WIPF2: variants seen among roughly 807,000 people sequenced by gnomAD.
The protein encoded by WIPF2 is WAS/WASL interacting protein family member 2.
WIPF2 carries 23 observed loss-of-function variants against 38.8 expected under a neutral mutation model. That is an observed-to-expected ratio of 0.59 (90% CI 0.43 to 0.84). WIPF2 has a LOEUF of 0.84. WIPF2 is among the 40% of genes least tolerant of loss of function. The pLI, the probability that WIPF2 is intolerant of heterozygous loss-of-function variation, is 0.00. For synonymous variants in WIPF2, 210 were observed against 223.2 expected (o/e 0.94, Z 0.53); for missense variants, 574 against 580.5 (o/e 0.99, Z 0.11).
Position 40,240,992 on chromosome 17 carries a change from A to G in WIPF2, c.-69-15399A>G, listed in dbSNP as rs923093650. Among the ~76,000 whole-genome samples the G allele has an allele frequency of 4.0e-5, 6 of 151,768 alleles. No homozygotes were observed. The South Asian group carries it at 1.2e-3, about 32-fold the overall frequency. ...TTTGCTGTAATTTTAATGGTGTTTT[A>G]TGATGGAACATTGATTAATGCATGC... On this transcript the variant is annotated intron_variant, in intron 1 of 7. Coordinates refer to ENST00000323571, the MANE Select transcript of WIPF2 (RefSeq NM_133264.5).
intron 6 of WIPF2, among the ~76,000 whole-genome samples, chr17:40,276,176 C>A (rs117279486): frequency 0.01 from 1,582 of 152,260 alleles, 4 homozygotes; most frequent in Non-Finnish European, 0.016. Context: ...TAATTCCTAC[C>A]AATTTCTGGA....
rs144564605 is a variant in WIPF2 at position 40,246,759 on chromosome 17, G to A, written c.-69-9632G>A. On this transcript the variant is annotated intron_variant, in intron 1 of 7. Transcript: ENST00000323571. ...CAGCAAGTGACTGCTGAGCAGCTAC[G>A]GTATGCTGTAGAATAATGAGAGAGA... is the stretch of plus-strand genomic sequence containing the variant. 1.3e-3 allele frequency among the ~76,000 whole-genome samples: 194 copies of A among 152,130 alleles called. 1 individual carries two copies. Among genetic ancestry groups the A allele is most frequent in the African/African-American group, 4.2e-3 (175 of 41,518 alleles).
At chr17:40,255,066 C>T (rs1223484749) in intron 1 of WIPF2, among the ~76,000 whole-genome samples, 1 of 151,710 alleles carries the variant, frequency 6.6e-6, no homozygotes, top group Non-Finnish European at 1.5e-5. Flanking sequence ...TTATAAAAAT[C>T]AAGAAAATGA....
Position 40,256,497 on chromosome 17 carries a change from C to T in WIPF2, c.38C>T (p.Pro13Leu). Residue 13 changes from proline (P) to leucine (L), a missense_variant, in exon 2 of 8, where the codon CCT becomes CTT. Transcript: ENST00000323571. The stretch of plus-strand genomic sequence containing the variant: ...CCTCCCCCGCCACCCCCACCTGGTC[C>T]TCCTCCACCTCCCACATTTCATCAG... Reference protein sequence around the residue: ...IPPPPPPPPGPPPPPTFHQAN... With the variant: ...IPPPPPPPPGLPPPPTFHQAN... The T allele has an allele frequency of 6.2e-7, 1 of 1,608,148 alleles. No homozygotes were observed. The highest frequency in any genetic ancestry group is 8.5e-7 in the Non-Finnish European group (1 of 1,177,556).
chr17:40,221,176 C>T (rs2030219610), intron 1 of WIPF2, among the ~76,000 whole-genome samples: 1 of 152,062 alleles, frequency 6.6e-6, no homozygotes, highest in Non-Finnish European at 1.5e-5. Flanking sequence ...TTTTGCCTTA[C>T]GGTTTTGGTT....
chr17:40,227,064 C>CA (rs1489883501), intron 1 of WIPF2, among the ~76,000 whole-genome samples: 1 of 149,974 alleles, frequency 6.7e-6, no homozygotes, highest in Non-Finnish European at 1.5e-5. Flanking sequence ...TTTTTTGAGA[C>CA]AGAGTTTCAC....
At chr17:40,270,233 G>A (rs558420274) in intron 5 of WIPF2, among the ~76,000 whole-genome samples, 3 of 152,032 alleles carry the variant, frequency 2.0e-5, no homozygotes, top group Admixed American at 6.6e-5. Flanking sequence ...GGGCGTGGTG[G>A]CGGGTGCCTG....
chr17:40,257,691 A>G (rs139222137), intron 2 of WIPF2, among the ~76,000 whole-genome samples: 86 of 147,640 alleles, frequency 5.8e-4, no homozygotes, highest in Middle Eastern at 7.0e-3. Context: ...GGTTGCAGTG[A>G]GCTGAGATCA....
chr17:40,265,225 G>A, intron 5 of WIPF2, 79 bp downstream of exon 5: 1 of 1,480,112 alleles, frequency 6.8e-7, no homozygotes, highest in Non-Finnish European at 9.1e-7. Context: ...CTTGAAGACA[G>A]TAATTCGTTT....
At chr17:40,272,187 T>G (rs922237716) in intron 5 of WIPF2, among the ~76,000 whole-genome samples, 12 of 152,018 alleles carry the variant, frequency 7.9e-5, no homozygotes. Context: ...ATCTGGCTAA[T>G]TTTTGTATTT....
chr17:40,249,419 C>CT (rs1956169961), intron 1 of WIPF2, among the ~76,000 whole-genome samples: 1 of 150,560 alleles, frequency 6.6e-6, no homozygotes, highest in Middle Eastern at 3.6e-3. Context: ...GAAAAATAGG[C>CT]TTTGTCTTTT....
Position 40,282,640 on chromosome 17 carries a change from T to G in WIPF2, c.*4415T>G, listed in dbSNP as rs545125916. 1.7e-4 allele frequency: 26 copies of G among 152,322 alleles called. No homozygotes were observed. Among genetic ancestry groups the G allele is most frequent in the African/African-American group, 4.8e-4 (20 of 41,568 alleles). The allele number at this position is 152,322 out of a possible 1,614,324, so 9.4% of individuals were successfully genotyped here. A position where few individuals can be genotyped will look rare whatever the true frequency, so the allele number is the denominator to read the frequency against. On this transcript the variant is annotated 3_prime_UTR_variant, in exon 8 of 8. Transcript: ENST00000323571. ...CTCAGGTTGGATTCTTTGGTACATT[T>G]CTCTCTTCTGGATGCCATGCAGCTT...
intron 1 of WIPF2, among the ~76,000 whole-genome samples, chr17:40,251,536 A>G (rs1250811124): frequency 6.6e-6 from 1 of 152,194 alleles, no homozygotes; most frequent in African/African-American, 2.4e-5. Flanking sequence ...TTTGTATTCT[A>G]TAACTAAGAA....
intron 1 of WIPF2, among the ~76,000 whole-genome samples, chr17:40,255,221 G>A (rs1305080320): frequency 6.6e-6 from 1 of 152,124 alleles, no homozygotes; most frequent in Non-Finnish European, 1.5e-5. Context: ...AGCCAGGCAT[G>A]GTGGCTCACA....
At chr17:40,242,050 CAT>C (rs2031208384) in intron 1 of WIPF2, among the ~76,000 whole-genome samples, 1 of 152,138 alleles carries the variant, frequency 6.6e-6, no homozygotes, top group African/African-American at 2.4e-5. Context: ...TTGGCTCTGA[CAT>C]AGAGTTGATT....
chr17:40,277,017 A>G, intron 6 of WIPF2, 66 bp from the exon 7 acceptor site: 1 of 1,384,848 alleles, frequency 7.2e-7, no homozygotes, highest in East Asian at 2.3e-5. Flanking sequence ...GGAGGGTCGA[A>G]GCGATCAGAG....
chr17:40,274,988 G>A lies in WIPF2; in HGVS notation c.1180+989G>A, dbSNP rs553709027. On this transcript the variant is annotated intron_variant, in intron 6 of 7. Coordinates refer to ENST00000323571, the MANE Select transcript of WIPF2 (RefSeq NM_133264.5). ...GGTGCAGTGGCTCACGCCTGTAATC[G>A]CAGTACTTTGGGAGGCCGAGGCAGG... Among the ~76,000 whole-genome samples, 639 of 146,288 alleles carry A rather than the reference G, an allele frequency of 4.4e-3. 1 individual carries two copies. The highest frequency in any genetic ancestry group is 6.7e-3 in the Non-Finnish European group (449 of 66,962).
At chr17:40,272,061 C>T (rs1315745536) in intron 5 of WIPF2, among the ~76,000 whole-genome samples, 3 of 151,320 alleles carry the variant, frequency 2.0e-5, no homozygotes, top group Non-Finnish European at 4.4e-5. Context: ...TTCTTGTTGC[C>T]CAGGCTGGAG....
At chr17:40,254,821 C>T (rs1598485561) in intron 1 of WIPF2, among the ~76,000 whole-genome samples, 1 of 152,080 alleles carries the variant, frequency 6.6e-6, no homozygotes, top group Admixed American at 6.6e-5. Flanking sequence ...ACCTCCACCT[C>T]CCGGATTCAA....
Sources: gnomAD v4.1 joint callset for allele counts (sites outside exome capture counted in the v4.1 genomes callset) on GRCh38, gnomAD v4.1.1 for gene constraint, MANE v1.5 for transcripts, NCBI Gene and HGNC (gene_info 2026-07-23, HGNC 2026-07-21) for gene names.